Variants in LRMDA observed in about 807,000 individuals in gnomAD.
LRMDA encodes leucine-rich melanocyte differentiation-associated protein.
In LRMDA, 18 loss-of-function variants were observed where a neutral mutation model predicts 29.8. That is an observed-to-expected ratio of 0.60 (90% CI 0.42 to 0.90). The LOEUF (loss-of-function observed/expected upper bound fraction) is 0.90. Ranked by LOEUF, LRMDA falls within the 40% of genes least tolerant of loss-of-function variation. LRMDA has a pLI of 0.00. For missense variants in LRMDA, 273 were observed against 273.9 expected, an observed-to-expected ratio of 1.00 and a Z score of 0.02; for synonymous variants, 125 against 109.4, an observed-to-expected ratio of 1.14 and a Z score of -0.89.
chr10:76,130,295 T>C (rs567343946), intron 5 of LRMDA, among the ~76,000 whole-genome samples: 1 of 152,298 alleles, frequency 6.6e-6, no homozygotes, highest in African/African-American at 2.4e-5. Flanking sequence ...GCCCATCAAG[T>C]TATTAGTAAG....
intron 6 of LRMDA, among the ~76,000 whole-genome samples, chr10:76,344,860 C>G (rs1049917107): frequency 1.3e-5 from 2 of 150,474 alleles, no homozygotes; most frequent in African/African-American, 4.9e-5. Context: ...ATACCTTACA[C>G]CTTACAGCAG....
chr10:75,456,567 C>G (rs1844520008), intron 2 of LRMDA, among the ~76,000 whole-genome samples: 1 of 152,216 alleles, frequency 6.6e-6, no homozygotes. Flanking sequence ...GGGATAACAG[C>G]TTCTCTTTCA....
intron 3 of LRMDA, among the ~76,000 whole-genome samples, chr10:76,038,339 G>T (rs1407420932): frequency 2.6e-5 from 4 of 152,228 alleles, no homozygotes; most frequent in Non-Finnish European, 5.9e-5. Flanking sequence ...TTTGTCTTTG[G>T]TTGAGTCCTT....
At chr10:75,611,546 C>T (rs1327407957) in intron 2 of LRMDA, among the ~76,000 whole-genome samples, 1 of 152,202 alleles carries the variant, frequency 6.6e-6, no homozygotes, top group Non-Finnish European at 1.5e-5. Flanking sequence ...CCCTCAGCCC[C>T]AGGCAGCCTC....
At chr10:76,139,604 A>G (rs1380566485) in intron 5 of LRMDA, among the ~76,000 whole-genome samples, 1 of 152,160 alleles carries the variant, frequency 6.6e-6, no homozygotes, top group Non-Finnish European at 1.5e-5. Context: ...TGGTTTGTCT[A>G]GTTCTTATAA....
chr10:75,775,694 C>G (rs1843302455), intron 2 of LRMDA, among the ~76,000 whole-genome samples: 1 of 152,180 alleles, frequency 6.6e-6, no homozygotes. Flanking sequence ...TTGAGCTACT[C>G]CAAAGGAATC....
intron 5 of LRMDA, among the ~76,000 whole-genome samples, chr10:76,197,413 A>G (rs996882554): frequency 6.6e-6 from 1 of 152,188 alleles, no homozygotes; most frequent in Admixed American, 6.5e-5. Flanking sequence ...GAATTGATTC[A>G]TACAAACTAG....
intron 2 of LRMDA, among the ~76,000 whole-genome samples, chr10:75,716,869 C>A (rs1214375664): frequency 6.6e-6 from 1 of 152,166 alleles, no homozygotes; most frequent in African/African-American, 2.4e-5. Flanking sequence ...GCTGATGGGG[C>A]AGCGAAAAGT....
intron 2 of LRMDA, among the ~76,000 whole-genome samples, chr10:75,920,518 A>G (rs1486067355): frequency 2.0e-5 from 3 of 151,924 alleles, no homozygotes; most frequent in African/African-American, 7.3e-5. Flanking sequence ...TCTGATACCA[A>G]CTCCTTGCTA....
At chr10:75,759,895 T>G (rs1207136082) in intron 2 of LRMDA, among the ~76,000 whole-genome samples, 1 of 152,236 alleles carries the variant, frequency 6.6e-6, no homozygotes, top group Non-Finnish European at 1.5e-5. Context: ...GAGTTGTAAT[T>G]GCTTAATGCT....
At chr10:75,663,767 T>G (rs1265142076) in intron 2 of LRMDA, among the ~76,000 whole-genome samples, 1 of 152,208 alleles carries the variant, frequency 6.6e-6, no homozygotes, top group African/African-American at 2.4e-5. Context: ...CTTCCTAATG[T>G]GTGTATTCCC....
chr10:75,494,857 G>A (rs1428140597), intron 2 of LRMDA, among the ~76,000 whole-genome samples: 1 of 152,154 alleles, frequency 6.6e-6, no homozygotes, highest in African/African-American at 2.4e-5. Flanking sequence ...AGGGCTGATA[G>A]GCTCCTTCCA....
At chr10:75,853,087 C>A (rs753602302) in intron 2 of LRMDA, among the ~76,000 whole-genome samples, 2 of 152,074 alleles carry the variant, frequency 1.3e-5, no homozygotes, top group Non-Finnish European at 2.9e-5. Context: ...AAACTGCCCT[C>A]ATGATTCGAT....
chr10:76,466,315 G>A (rs56056205), intron 6 of LRMDA, among the ~76,000 whole-genome samples: 66 of 152,196 alleles, frequency 4.3e-4, no homozygotes, highest in African/African-American at 1.5e-3. Flanking sequence ...CAGATGCCGG[G>A]AGCATGGGAT....
chr10:76,448,318 C>A (rs1842372572), intron 6 of LRMDA, among the ~76,000 whole-genome samples: 1 of 151,998 alleles, frequency 6.6e-6, no homozygotes, highest in Non-Finnish European at 1.5e-5. Context: ...CCCTTAATGT[C>A]CCAACATATG....
At chr10:75,649,691 A>G (rs1841572588) in intron 2 of LRMDA, among the ~76,000 whole-genome samples, 1 of 152,202 alleles carries the variant, frequency 6.6e-6, no homozygotes, top group Non-Finnish European at 1.5e-5. Context: ...TTGCTGGGTC[A>G]TATTATATTT....
chr10:76,492,708 C>A (rs113484871), intron 6 of LRMDA, among the ~76,000 whole-genome samples: 4 of 152,118 alleles, frequency 2.6e-5, no homozygotes, highest in African/African-American at 9.6e-5. Context: ...CTGGGGAGGC[C>A]TCAGGAAACT....
chr10:76,198,641 C>T (rs1305622309), intron 5 of LRMDA, among the ~76,000 whole-genome samples: 1 of 152,184 alleles, frequency 6.6e-6, no homozygotes, highest in Non-Finnish European at 1.5e-5. Context: ...TATTACTCTC[C>T]TAATTGAAAG....
chr10:75,630,738 A>G (rs74920757), intron 2 of LRMDA, among the ~76,000 whole-genome samples: 2,996 of 152,354 alleles, frequency 0.02, 89 homozygotes, highest in African/African-American at 0.068. Flanking sequence ...ACATTTAATG[A>G]TTGGCAGTCT....
Sources: allele counts gnomAD v4.1 joint callset (sites outside exome capture counted in the v4.1 genomes callset), GRCh38; gene constraint gnomAD v4.1.1; transcripts MANE v1.5; gene names NCBI Gene and HGNC (gene_info 2026-07-23, HGNC 2026-07-21).